Variants in JMY observed in about 807,000 individuals in gnomAD.
JMY encodes junction mediating and regulatory protein, p53 cofactor.
In JMY, 46 loss-of-function variants were observed where a neutral mutation model predicts 103.3. That is an observed-to-expected ratio of 0.45 (90% CI 0.35 to 0.57). The LOEUF is 0.57. Ranked by LOEUF, JMY falls within the 20% of genes least tolerant of loss-of-function variation. The pLI is 0.00. For missense variants in JMY, 1,238 were observed against 1,255.2 expected (o/e 0.99, Z 0.21); for synonymous variants, 526 against 489.3 (o/e 1.07, Z -0.99).
rs370635154 is a variant in JMY at position 79,312,419 on chromosome 5, A to C, written c.1985A>C (p.His662Pro). 6.4e-7 allele frequency: 1 copy of C among 1,572,074 alleles called. No individual in the cohort carries two copies. The highest frequency in any genetic ancestry group is 2.3e-5 in the East Asian group (1 of 44,116). Residue 662 changes from histidine to proline, a missense_variant, in exon 8 of 11, where the codon CAT becomes CCT. Physicochemically the swap from His to Pro is moderately conservative, Grantham distance 77. Coordinates refer to ENST00000396137, the MANE Select transcript of JMY (RefSeq NM_152405.5). ...HTVQLKREKL[H>P]DEEERKSAWV... ...TTTTACCAGAAGAGAGAAAAATTAC[A>C]TGATGAAGAAGAAAGAAAAAGTGCC...
chr5:79,318,651 A>G (rs1044476796), intron 10 of JMY, among the ~76,000 whole-genome samples: 5 of 152,016 alleles, frequency 3.3e-5, no homozygotes, highest in Admixed American at 6.6e-5. Flanking sequence ...GTTACATGTA[A>G]CAGTCACTTT....
chr5:79,242,592 G>C (rs553752491), intron 1 of JMY, among the ~76,000 whole-genome samples: 1 of 152,260 alleles, frequency 6.6e-6, no homozygotes, highest in South Asian at 2.1e-4. Context: ...CTAAACAGCT[G>C]AGTAACCAAG....
chr5:79,298,048 G>T (rs1359383684), intron 4 of JMY, among the ~76,000 whole-genome samples: 2 of 152,280 alleles, frequency 1.3e-5, no homozygotes, highest in South Asian at 4.1e-4. Flanking sequence ...GTCACTGGGG[G>T]ACTTTCAACT....
chr5:79,262,165 G>T (rs1447171858), intron 1 of JMY, among the ~76,000 whole-genome samples: 2 of 152,138 alleles, frequency 1.3e-5, no homozygotes, highest in Admixed American at 1.3e-4. Flanking sequence ...TTCTTATTCA[G>T]TGTGGCTCTC....
intron 1 of JMY, among the ~76,000 whole-genome samples, chr5:79,270,284 T>A (rs994651902): frequency 6.8e-6 from 1 of 146,014 alleles, no homozygotes. Context: ...TATGTTTATA[T>A]AAAATATATA....
At chr5:79,246,114 C>T (rs1234429296) in intron 1 of JMY, among the ~76,000 whole-genome samples, 1 of 152,160 alleles carries the variant, frequency 6.6e-6, no homozygotes, top group Non-Finnish European at 1.5e-5. Context: ...ATTACTTATA[C>T]TTCAAATTTT....
rs771388300 is a variant in JMY, at chr5:79,278,093, T to A, written c.1206+10T>A. On this transcript the variant is annotated intron_variant, in intron 2 of 10. Coordinates refer to ENST00000396137, the MANE Select transcript of JMY (RefSeq NM_152405.5). The stretch of plus-strand genomic sequence containing the variant: ...AAGACAGCAGATCAAGGTATTTTTT[T>A]ATTAATCCTAACTAGTAGCCTGCCT... 38 of 1,604,510 alleles carry A rather than the reference T, an allele frequency of 2.4e-5. No individual in the cohort carries two copies. Among genetic ancestry groups the A allele is most frequent in the Non-Finnish European group, 3.1e-5 (36 of 1,174,034 alleles).
At chr5:79,253,741 G>A (rs1225396680) in intron 1 of JMY, among the ~76,000 whole-genome samples, 3 of 152,050 alleles carry the variant, frequency 2.0e-5, no homozygotes, top group Admixed American at 6.6e-5. Flanking sequence ...CTCTGTCTAG[G>A]CTGGAGTACA....
chr5:79,256,599 A>G (rs1745249551), intron 1 of JMY, among the ~76,000 whole-genome samples: 1 of 152,040 alleles, frequency 6.6e-6, no homozygotes. Context: ...TTAGGGATGG[A>G]GTCTGTGTTA....
chr5:79,300,675 G>GA lies in JMY; in HGVS notation c.1699dup (p.Arg567LysfsTer3). On this transcript the variant is annotated frameshift_variant and splice_region_variant. Transcript: ENST00000396137. LOFTEE classifies it high-confidence loss of function. ...TACTCTTTTTTGCTGTTCTGTAACA[G>GA]AAAAAAGAGATGAAGTGGTATACTA... 1 of 1,587,262 alleles carries GA rather than the reference G, an allele frequency of 6.3e-7. No homozygotes were observed. Among genetic ancestry groups the GA allele is most frequent in the South Asian group, 1.2e-5 (1 of 85,574 alleles).
chr5:79,291,428 G>A lies in JMY; in HGVS notation c.1527+129G>A, dbSNP rs1032322232. 10 of 692,382 alleles carry A rather than the reference G, an allele frequency of 1.4e-5. No homozygotes were observed. The African/African-American group carries it at 1.6e-4, about 11-fold the overall frequency. 42.9% of individuals were successfully genotyped at this position (692,382 alleles called of 1,614,324 possible). On this transcript the variant is annotated intron_variant, in intron 4 of 10. Transcript: ENST00000396137. ...CATCTTCATGAGATGAAAACACTTA[G>A]AATAGGTCCTGTGACTTAAGTTGTC...
intron 1 of JMY, among the ~76,000 whole-genome samples, chr5:79,254,844 T>C (rs926242756): frequency 5.3e-5 from 8 of 151,854 alleles, no homozygotes; most frequent in African/African-American, 1.5e-4. Flanking sequence ...CTTTTTTTTT[T>C]CCTCTTGACT....
intron 2 of JMY, among the ~76,000 whole-genome samples, chr5:79,285,344 G>A (rs1012072966): frequency 6.7e-6 from 1 of 148,298 alleles, no homozygotes; most frequent in African/African-American, 2.5e-5. Context: ...TTTTCATCAA[G>A]TGTAGAAATA....
At chr5:79,244,359 C>G (rs1744827989) in intron 1 of JMY, among the ~76,000 whole-genome samples, 1 of 152,088 alleles carries the variant, frequency 6.6e-6, no homozygotes, top group Non-Finnish European at 1.5e-5. Context: ...ATGAGGTTAA[C>G]TTAGACAACA....
At position 79,323,800 on chromosome 5, in the gene JMY, TG is replaced by T. The variant is rs1175609725; in HGVS notation, c.*2199del. 3.3e-5 allele frequency: 5 copies of T among 152,206 alleles called. No homozygotes were observed. The highest frequency in any genetic ancestry group is 1.2e-4 in the African/African-American group (5 of 41,450). 9.4% of individuals were successfully genotyped at this position (152,206 alleles called of 1,614,324 possible). ...GTCCTGTGGTCTGTCTTCCAGAGTG[TG>T]CTGTAATCATAAGTCTCTAGCAAAG... On this transcript the variant is annotated 3_prime_UTR_variant, in exon 11 of 11. Transcript: ENST00000396137.
intron 2 of JMY, among the ~76,000 whole-genome samples, chr5:79,278,533 C>T (rs1488557621): frequency 8.0e-6 from 1 of 125,334 alleles, no homozygotes; most frequent in African/African-American, 3.0e-5. Flanking sequence ...AAGAGGATCA[C>T]TTGAGCTCCG....
In JMY at chr5:79,236,854, C is replaced by T. The variant is rs1744521557; in HGVS notation, c.204C>T (p.Ala68=). The T allele has an allele frequency of 2.8e-6, 4 of 1,447,728 alleles. No individual in the cohort carries two copies. Among genetic ancestry groups the T allele is most frequent in the Non-Finnish European group, 2.7e-6 (3 of 1,094,458 alleles). The allele number at this position is 1,447,728 out of a possible 1,614,324, so 89.7% of individuals were successfully genotyped here. ...AGCAAGCGGGGGCGCGAGGGGGCGC[C>T]GAGGCCGGCGGAGCTGCGTCCGACG... The part of the protein sequence containing the change: ...SREQAGARGG[A]EAGGAASDGS... The change falls in exon 1 of 11, where the codon GCC becomes GCT. Residue 68 remains alanine, a synonymous_variant. Transcript: ENST00000396137.
Position 79,287,098 on chromosome 5 carries a change from G to T in JMY, c.1207-3023G>T, listed in dbSNP as rs1053336294. Among the ~76,000 whole-genome samples, 10 of 152,114 alleles carry T rather than the reference G, an allele frequency of 6.6e-5. No individual in the cohort carries two copies. In the East Asian group the frequency reaches 1.9e-3, roughly 29 times the overall value. On this transcript the variant is annotated intron_variant, in intron 2 of 10. Coordinates refer to ENST00000396137, the MANE Select transcript of JMY (RefSeq NM_152405.5). ...CAGAGGATTCAGTACTGAGGGGTTG[G>T]TTTGTCTTGGGGGTTGTACTATGAG...
chr5:79,271,917 A>AG (rs771336050), intron 1 of JMY, among the ~76,000 whole-genome samples: 2 of 151,990 alleles, frequency 1.3e-5, no homozygotes, highest in Non-Finnish European at 2.9e-5. Flanking sequence ...AAGACCATCC[A>AG]GGGGGCAACA....
Sources: gnomAD v4.1 joint callset for allele counts (sites outside exome capture counted in the v4.1 genomes callset) on GRCh38, gnomAD v4.1.1 for gene constraint, MANE v1.5 for transcripts, NCBI Gene and HGNC (gene_info 2026-07-23, HGNC 2026-07-21) for gene names.